The following TRHDE variants were observed in gnomAD, a reference collection of about 807,000 sequenced individuals.
TRHDE encodes thyrotropin releasing hormone degrading enzyme.
A neutral mutation model predicts 125.7 loss-of-function variants in TRHDE; 72 were observed. The observed-to-expected ratio is 0.57, with a 90% CI of 0.47 to 0.70. The LOEUF (loss-of-function observed/expected upper bound fraction) is 0.70. TRHDE is among the 30% of genes least tolerant of loss of function. The probability of loss-of-function intolerance (pLI) is 0.00; values close to 1 mark genes in which losing one functional copy is unlikely to be tolerated. For missense variants in TRHDE, 1,110 were observed against 1,327.1 expected (o/e 0.84, Z 2.54); for synonymous variants, 509 against 509.1 (o/e 1.00, Z 0.00).
chr12:72,162,316 T>G (rs1876654933), intron 2 of TRHDE, among the ~76,000 whole-genome samples: 1 of 152,220 alleles, frequency 6.6e-6, no homozygotes, highest in African/African-American at 2.4e-5. Context: ...CACAGGTTGC[T>G]GCAGAGGTGA....
At chr12:72,140,686 A>G (rs977946358) in intron 2 of TRHDE, among the ~76,000 whole-genome samples, 1 of 152,218 alleles carries the variant, frequency 6.6e-6, no homozygotes, top group Non-Finnish European at 1.5e-5. Flanking sequence ...CAGCCATAAT[A>G]TGAGTGGCAG....
At chr12:72,610,801 TCTG>T (rs1005798966) in intron 12 of TRHDE, 1 of 152,214 alleles carries the variant, frequency 6.6e-6, no homozygotes, top group East Asian at 1.9e-4. Context: ...ACAGCAGTAT[TCTG>T]CTGTTTATGG....
At chr12:72,448,374 C>G (rs1272637616) in intron 3 of TRHDE, among the ~76,000 whole-genome samples, 1 of 152,014 alleles carries the variant, frequency 6.6e-6, no homozygotes, top group Admixed American at 6.6e-5. Context: ...GTTTAACAAA[C>G]AAAACCACTA....
intron 3 of TRHDE, among the ~76,000 whole-genome samples, chr12:72,447,417 A>C (rs1264494423): frequency 6.6e-6 from 1 of 152,150 alleles, no homozygotes; most frequent in Non-Finnish European, 1.5e-5. Flanking sequence ...GAAAGCAGGA[A>C]AGATCTAAAA....
At chr12:72,415,421 A>G (rs1216055364) in intron 3 of TRHDE, among the ~76,000 whole-genome samples, 1 of 152,052 alleles carries the variant, frequency 6.6e-6, no homozygotes, top group East Asian at 1.9e-4. Context: ...AATATACAAC[A>G]CATTATTATT....
At chr12:72,166,025 C>T (rs780123133) in intron 2 of TRHDE, among the ~76,000 whole-genome samples, 14 of 152,032 alleles carry the variant, frequency 9.2e-5, no homozygotes, top group Non-Finnish European at 1.5e-4. Context: ...TCATAGAGTG[C>T]ACTTACCTTA....
In TRHDE at chr12:72,335,256, CAA is replaced by C. The variant is rs200232557; in HGVS notation, c.1189-42738_1189-42737del. ...CTTGGGGGTAAATTCTAGATTCTAA[CAA>C]GAGATTTCAGGGAGTACACCCCATT... On this transcript the variant is annotated intron_variant, in intron 2 of 18. Transcript: ENST00000261180. Among the ~76,000 whole-genome samples, 384 of 152,250 alleles carry C rather than the reference CAA, an allele frequency of 2.5e-3. 3 individuals carry two copies. Among genetic ancestry groups the C allele is most frequent in the Middle Eastern group, 0.017 (5 of 294 alleles).
At chr12:72,503,240 G>C (rs1878227053) in intron 6 of TRHDE, among the ~76,000 whole-genome samples, 1 of 152,030 alleles carries the variant, frequency 6.6e-6, no homozygotes, top group Admixed American at 6.5e-5. Flanking sequence ...CATCTGATGG[G>C]GTTGTTATGA....
rs990154162 is a variant in TRHDE at position 72,150,873 on chromosome 12, C to A, written n.279+45121C>A. 1.0e-3 allele frequency among the ~76,000 whole-genome samples: 154 copies of A among 152,092 alleles called. 1 individual carries two copies. Among genetic ancestry groups the A allele is most frequent in the African/African-American group, 3.6e-3 (147 of 41,384 alleles). On this transcript the variant is annotated intron_variant and non_coding_transcript_variant, in intron 2 of 4. Transcript: ENST00000548156. ...GCAATAAACATACACGTGCATGTGT[C>A]TTTATAGCAGCATGTTTTATAATCT...
chr12:72,194,801 C>G (rs1877407349), intron 2 of TRHDE, among the ~76,000 whole-genome samples: 1 of 152,056 alleles, frequency 6.6e-6, no homozygotes, highest in South Asian at 2.1e-4. Flanking sequence ...TAGATTGACT[C>G]TATGTCTTTG....
intron 6 of TRHDE, among the ~76,000 whole-genome samples, chr12:72,536,805 TC>T (rs1868884310): frequency 6.6e-6 from 1 of 152,092 alleles, no homozygotes; most frequent in Non-Finnish European, 1.5e-5. Context: ...ATATCTGTCT[TC>T]TATTTTATCC....
At chr12:72,603,511 G>A (rs995453668) in intron 12 of TRHDE, among the ~76,000 whole-genome samples, 1 of 152,116 alleles carries the variant, frequency 6.6e-6, no homozygotes, top group African/African-American at 2.4e-5. Context: ...AGATCACGAG[G>A]TCAGGAGATC....
At chr12:72,530,439 T>A (rs1163736320) in intron 6 of TRHDE, among the ~76,000 whole-genome samples, 2 of 146,664 alleles carry the variant, frequency 1.4e-5, no homozygotes, top group East Asian at 4.0e-4. Context: ...TTTTTTTTTT[T>A]AACTTTAACC....
intron 2 of TRHDE, among the ~76,000 whole-genome samples, chr12:72,314,034 T>G (rs1868672050): frequency 6.6e-6 from 1 of 152,188 alleles, no homozygotes; most frequent in Non-Finnish European, 1.5e-5. Context: ...CTGCCTGCTC[T>G]TCTATGGATA....
chr12:72,155,413 T>G (rs1876480829), intron 2 of TRHDE, among the ~76,000 whole-genome samples: 1 of 152,236 alleles, frequency 6.6e-6, no homozygotes, highest in Non-Finnish European at 1.5e-5. Context: ...TTCTCCATCC[T>G]GCTTTGTTCT....
chr12:72,620,778 C>T (rs994806381), intron 13 of TRHDE, among the ~76,000 whole-genome samples: 1 of 151,990 alleles, frequency 6.6e-6, no homozygotes, highest in African/African-American at 2.4e-5. Context: ...TACATTTGTA[C>T]ATATGTACGC....
chr12:72,310,338 T>C (rs1242297591), intron 2 of TRHDE, among the ~76,000 whole-genome samples: 1 of 152,238 alleles, frequency 6.6e-6, no homozygotes, highest in East Asian at 1.9e-4. Context: ...GTCTCCTGTC[T>C]AAATTCAGAG....
At chr12:72,613,573 G>C (rs555068459) in intron 12 of TRHDE, among the ~76,000 whole-genome samples, 29 of 152,146 alleles carry the variant, frequency 1.9e-4, no homozygotes, top group Non-Finnish European at 2.6e-4. Flanking sequence ...TTAGTCTGTG[G>C]GGATAAAAAG....
At chr12:72,099,481 G>A (rs1421210730) in intron 1 of TRHDE, among the ~76,000 whole-genome samples, 2 of 152,166 alleles carry the variant, frequency 1.3e-5, no homozygotes, top group East Asian at 3.8e-4. Flanking sequence ...GGTAAGGATT[G>A]ACTATGTATA....
Sources: allele counts gnomAD v4.1 joint callset (sites outside exome capture counted in the v4.1 genomes callset), GRCh38; gene constraint gnomAD v4.1.1; transcripts MANE v1.5; gene names NCBI Gene and HGNC (gene_info 2026-07-23, HGNC 2026-07-21).